The following ZPLD1 variants were observed in gnomAD, a reference collection of about 807,000 sequenced individuals.
ZPLD1 encodes zona pellucida-like domain-containing protein 1.
In ZPLD1, 34 loss-of-function variants were observed where a neutral mutation model predicts 47.2. The ratio of observed to expected loss-of-function variants is 0.72; its 90% CI spans 0.55 to 0.96. The LOEUF (loss-of-function observed/expected upper bound fraction) is 0.96, where lower values mean the gene tolerates loss of function less well. Ranked by LOEUF, ZPLD1 falls within the 40% of genes least tolerant of loss-of-function variation. The pLI, the probability that ZPLD1 is intolerant of heterozygous loss-of-function variation, is 0.00. For missense variants in ZPLD1, 512 were observed against 505.8 expected, an observed-to-expected ratio of 1.01 and a Z score of -0.12; for synonymous variants, 176 against 186.2, an observed-to-expected ratio of 0.95 and a Z score of 0.45.
At chr3:102,420,670 T>A (rs1706866268) in intron 8 of ZPLD1, among the ~76,000 whole-genome samples, 1 of 151,770 alleles carries the variant, frequency 6.6e-6, no homozygotes, top group Non-Finnish European at 1.5e-5. Context: ...CAAAAATAGG[T>A]GATTGGCAGA....
intron 7 of ZPLD1, among the ~76,000 whole-genome samples, chr3:102,407,864 C>T (rs1277881985): frequency 6.6e-6 from 1 of 151,650 alleles, no homozygotes; most frequent in African/African-American, 2.4e-5. Flanking sequence ...TTTTCCTATC[C>T]TCCAGTATCC....
chr3:102,396,614 G>A lies in ZPLD1; in HGVS notation c.-157+4389G>A, dbSNP rs1179392096. 2.0e-5 allele frequency among the ~76,000 whole-genome samples: 3 copies of A among 152,154 alleles called. No individual in the cohort carries two copies. In the East Asian group the frequency reaches 5.8e-4, roughly 29 times the overall value. ...TGTGAATAATAGCTAATACAGCACA[G>A]TCCCGATGAGGACACTAAGGCTGGG... On this transcript the variant is annotated intron_variant, in intron 7 of 17. Coordinates refer to the ZPLD1 transcript ENST00000491959.
intron 8 of ZPLD1, among the ~76,000 whole-genome samples, chr3:102,467,996 C>T (rs1707624572): frequency 6.6e-6 from 1 of 151,848 alleles, no homozygotes; most frequent in Non-Finnish European, 1.5e-5. Context: ...GCCAAGAACA[C>T]AACAGAATTG....
At chr3:102,437,005 G>T in intron 2 of ZPLD1, 32 bp downstream of exon 2, 1 of 919,426 alleles carries the variant, frequency 1.1e-6, no homozygotes. Context: ...GCTTATTCAG[G>T]CTTCTTTCTT....
intron 10 of ZPLD1, among the ~76,000 whole-genome samples, 178 bp from the exon 11 acceptor site, chr3:102,476,834 G>T (rs903127274): frequency 6.6e-6 from 1 of 152,204 alleles, no homozygotes; most frequent in Middle Eastern, 3.4e-3. Flanking sequence ...ACAGGGCATG[G>T]ACAAGCAGAA....
intron 3 of ZPLD1, among the ~76,000 whole-genome samples, chr3:102,448,652 G>A (rs1707293741): frequency 6.6e-6 from 1 of 152,124 alleles, no homozygotes. Flanking sequence ...TCTTAAAGTG[G>A]GATAAGCCTG....
At chr3:102,469,660 T>A (rs1707651985) in intron 9 of ZPLD1, among the ~76,000 whole-genome samples, 1 of 152,122 alleles carries the variant, frequency 6.6e-6, no homozygotes, top group Non-Finnish European at 1.5e-5. Flanking sequence ...TCAGTAGGGT[T>A]GTAGAGCAGA....
At chr3:102,448,277 A>C (rs755158658) in intron 3 of ZPLD1, among the ~76,000 whole-genome samples, 10 of 152,146 alleles carry the variant, frequency 6.6e-5, no homozygotes, top group Non-Finnish European at 1.5e-5. Context: ...TAAAAATCAA[A>C]CCCCTAAAGA....
intron 5 of ZPLD1, among the ~76,000 whole-genome samples, 171 bp downstream of exon 5, chr3:102,456,545 A>ATATCTATCTATCTATCTATC (rs3077584): frequency 1.0e-3 from 149 of 147,144 alleles, no homozygotes; most frequent in East Asian, 1.8e-3. Context: ...TTTATCTATT[A>ATATCTATCTATCTATCTATC]TATCTATCTA....
intron 9 of ZPLD1, among the ~76,000 whole-genome samples, chr3:102,469,963 A>C (rs572450483): frequency 2.1e-4 from 32 of 152,280 alleles, no homozygotes; most frequent in Middle Eastern, 3.4e-3. Context: ...TTTATGCATA[A>C]ATGGGAAGCT....
intron 3 of ZPLD1, among the ~76,000 whole-genome samples, chr3:102,441,852 C>T (rs572418204): frequency 7.2e-5 from 11 of 152,244 alleles, no homozygotes; most frequent in African/African-American, 2.2e-4. Context: ...GGGTGACCAT[C>T]TGTGTTAGCT....
At chr3:102,476,395 G>A (rs1367910716) in intron 10 of ZPLD1, among the ~76,000 whole-genome samples, 2 of 152,064 alleles carry the variant, frequency 1.3e-5, no homozygotes, top group Admixed American at 6.6e-5. Context: ...GTGTTTGGCA[G>A]GGAAAAGTCA....
intron 8 of ZPLD1, among the ~76,000 whole-genome samples, chr3:102,424,205 A>G (rs145344910): frequency 1.3e-5 from 2 of 152,300 alleles, no homozygotes; most frequent in East Asian, 1.9e-4. Context: ...CACTATTGTT[A>G]TAAATTGTCC....
chr3:102,420,220 G>T (rs915898692), intron 8 of ZPLD1, among the ~76,000 whole-genome samples: 1 of 151,846 alleles, frequency 6.6e-6, no homozygotes, highest in African/African-American at 2.4e-5. Flanking sequence ...GAATGAACAT[G>T]GTTTTTTATT....
At chr3:102,440,731 GAAAAA>G (rs77649810) in intron 3 of ZPLD1, among the ~76,000 whole-genome samples, 7 of 112,870 alleles carry the variant, frequency 6.2e-5, no homozygotes, top group Non-Finnish European at 1.3e-4. Flanking sequence ...TTGTGATTGG[GAAAAA>G]AAAAAAAAAA....
At chr3:102,463,217 T>C (rs915143721) in intron 7 of ZPLD1, among the ~76,000 whole-genome samples, 5 of 152,204 alleles carry the variant, frequency 3.3e-5, no homozygotes, top group Admixed American at 3.3e-4. Flanking sequence ...GGAGGAAGGC[T>C]GTGGATATGT....
chr3:102,467,744 TA>T (rs534091668), intron 8 of ZPLD1, among the ~76,000 whole-genome samples: 14 of 151,892 alleles, frequency 9.2e-5, no homozygotes, highest in Non-Finnish European at 1.3e-4. Context: ...GAAATACCTT[TA>T]AAACTTTGGA....
At chr3:102,456,807 T>G (rs149649868) in intron 5 of ZPLD1, among the ~76,000 whole-genome samples, 1 of 152,210 alleles carries the variant, frequency 6.6e-6, no homozygotes, top group Non-Finnish European at 1.5e-5. Flanking sequence ...CTTGGCCATA[T>G]GCTTTCACTG....
chr3:102,389,601 T>G (rs545022945), intron 6 of ZPLD1, among the ~76,000 whole-genome samples: 1 of 152,304 alleles, frequency 6.6e-6, no homozygotes, highest in East Asian at 1.9e-4. Flanking sequence ...TTCTTTCTCA[T>G]TTGGACCCTA....
Sources: gnomAD v4.1 joint callset for allele counts (sites outside exome capture counted in the v4.1 genomes callset) on GRCh38, gnomAD v4.1.1 for gene constraint, MANE v1.5 for transcripts, NCBI Gene and HGNC (gene_info 2026-07-23, HGNC 2026-07-21) for gene names.